Variants in PABPC4L observed in about 807,000 individuals in gnomAD.
PABPC4L encodes the protein polyadenylate-binding protein 4-like.
For missense variants in PABPC4L, 452 were observed against 451.4 expected (o/e 1.00, Z -0.01); for synonymous variants, 169 against 164.1 (o/e 1.03, Z -0.23).
the PABPC4L span, among the ~76,000 whole-genome samples, chr4:133,972,163 C>T: frequency 2.4e-4 from 36 of 152,118 alleles, no homozygotes; most frequent in African/African-American, 7.5e-4. Flanking sequence ...GATGGAGCTC[C>T]TTATAACCCA....
chr4:134,125,761 TA>T, the PABPC4L span, among the ~76,000 whole-genome samples: 1 of 152,176 alleles, frequency 6.6e-6, no homozygotes, highest in Non-Finnish European at 1.5e-5. Context: ...AAGTCTTGGA[TA>T]ATGATCTCCA....
the PABPC4L span, among the ~76,000 whole-genome samples, chr4:134,042,502 CA>C: frequency 6.6e-6 from 1 of 151,964 alleles, no homozygotes; most frequent in Admixed American, 6.6e-5. Context: ...GTTCTCAAAA[CA>C]ATTAATTGAA....
chr4:133,970,185 C>T, the PABPC4L span, among the ~76,000 whole-genome samples: 1 of 151,590 alleles, frequency 6.6e-6, no homozygotes, highest in Non-Finnish European at 1.5e-5. Context: ...TCACGCCTCT[C>T]CTTTCTTGAA....
At chr4:134,146,048 T>C in the PABPC4L span, among the ~76,000 whole-genome samples, 29 of 152,068 alleles carry the variant, frequency 1.9e-4, 1 homozygote, top group Admixed American at 5.3e-4. Flanking sequence ...TAGTTGTGGA[T>C]TTGTTTTGTA....
chr4:134,064,803 G>C, the PABPC4L span, among the ~76,000 whole-genome samples: 1 of 151,840 alleles, frequency 6.6e-6, no homozygotes, highest in Non-Finnish European at 1.5e-5. Context: ...CTTTGTGTCC[G>C]TATGTACTCA....
chr4:134,074,858 C>G, the PABPC4L span, among the ~76,000 whole-genome samples: 1 of 152,118 alleles, frequency 6.6e-6, no homozygotes, highest in African/African-American at 2.4e-5. Context: ...ATGAGGGTAA[C>G]TGGCCCCATG....
the PABPC4L span, among the ~76,000 whole-genome samples, chr4:134,176,857 C>T: frequency 1.1e-3 from 167 of 152,236 alleles, 1 homozygote; most frequent in Non-Finnish European, 1.6e-3. Context: ...CCCCATACCC[C>T]CACTGCACTT....
chr4:134,003,535 C>T, the PABPC4L span, among the ~76,000 whole-genome samples: 1 of 151,732 alleles, frequency 6.6e-6, no homozygotes, highest in African/African-American at 2.4e-5. Context: ...ATAAATCATT[C>T]ATCAATTTTT....
the PABPC4L span, among the ~76,000 whole-genome samples, chr4:134,018,095 G>C: frequency 6.6e-6 from 1 of 152,050 alleles, no homozygotes; most frequent in Non-Finnish European, 1.5e-5. Context: ...AAAATGGCCT[G>C]TTCCTGCCTT....
chr4:134,003,051 TTCATTTCAGGGGTGTC>T, the PABPC4L span, among the ~76,000 whole-genome samples: 2 of 151,936 alleles, frequency 1.3e-5, no homozygotes, highest in Admixed American at 6.6e-5. Flanking sequence ...AAGGCTTAAA[TTCATTTCAGGGGTGTC>T]TCACTTCTCA....
the PABPC4L span, among the ~76,000 whole-genome samples, chr4:134,050,876 CTTTATTTTT>C: frequency 1.1e-5 from 1 of 87,728 alleles, no homozygotes; most frequent in Non-Finnish European, 2.2e-5. Context: ...CTATATTGAC[CTTTATTTTT>C]TTTTTTTTTT....
the PABPC4L span, among the ~76,000 whole-genome samples, chr4:134,134,485 C>G: frequency 6.6e-6 from 1 of 151,546 alleles, no homozygotes; most frequent in African/African-American, 2.4e-5. Context: ...CTAAACAAAG[C>G]AAAGTAATTT....
the PABPC4L span, among the ~76,000 whole-genome samples, chr4:134,026,416 T>C: frequency 6.6e-6 from 1 of 152,054 alleles, no homozygotes; most frequent in Non-Finnish European, 1.5e-5. Context: ...TTGTATTTTT[T>C]TTAGTAGAGA....
chr4:134,140,762 T>C, the PABPC4L span, among the ~76,000 whole-genome samples: 1 of 151,798 alleles, frequency 6.6e-6, no homozygotes, highest in South Asian at 2.1e-4. Flanking sequence ...GAGTTTTGAC[T>C]AGTTTGATTA....
the PABPC4L span, among the ~76,000 whole-genome samples, chr4:134,105,202 T>C: frequency 1.3e-5 from 2 of 151,784 alleles, no homozygotes; most frequent in African/African-American, 4.8e-5. Context: ...TTCTGGAACA[T>C]TTCTCTTTAC....
the PABPC4L span, among the ~76,000 whole-genome samples, chr4:134,151,664 T>C: frequency 6.6e-6 from 1 of 152,042 alleles, no homozygotes; most frequent in Non-Finnish European, 1.5e-5. Flanking sequence ...CAATTATTTA[T>C]TTTATTAACT....
In PABPC4L at chr4:134,200,447, A is replaced by T; in HGVS notation, c.573T>A (p.Asn191Lys). The T allele has an allele frequency of 6.4e-7, 1 of 1,551,834 alleles. No homozygotes were observed. Among genetic ancestry groups the T allele is most frequent in the Non-Finnish European group, 8.7e-7 (1 of 1,147,054 alleles). ...ELRSKASEFT[N>K]VYIKNFGGDM... ...CACCTCCAAAGTTTTTTATGTAAAC[A>T]TTGGTGAATTCACTGGCTTTGCTTC... The change falls in exon 2 of 2, where the codon AAT becomes AAA. Residue 191 changes from asparagine to lysine, a missense_variant. Coordinates refer to ENST00000421491, the MANE Select transcript of PABPC4L (RefSeq NM_001114734.2).
At chr4:134,153,206 T>TCTCTATTTTTTTA in the PABPC4L span, among the ~76,000 whole-genome samples, 1 of 152,152 alleles carries the variant, frequency 6.6e-6, no homozygotes, top group Non-Finnish European at 1.5e-5. Flanking sequence ...TTTAGTACTG[T>TCTCTATTTTTTTA]GTCTTTCATA....
the PABPC4L span, among the ~76,000 whole-genome samples, chr4:134,049,967 A>C: frequency 1.3e-5 from 2 of 152,168 alleles, no homozygotes; most frequent in Admixed American, 6.5e-5. Context: ...ATAAGATGTC[A>C]GTATTTTAAA....
Sources: allele counts gnomAD v4.1 joint callset (sites outside exome capture counted in the v4.1 genomes callset), GRCh38; gene constraint gnomAD v4.1.1; transcripts MANE v1.5; gene names NCBI Gene and HGNC (gene_info 2026-07-23, HGNC 2026-07-21).